SLC25A13: variants seen among roughly 807,000 people sequenced by gnomAD.
SLC25A13 encodes the protein solute carrier family 25 member 13.
In SLC25A13, 70 loss-of-function variants were observed where a neutral mutation model predicts 85.5. The ratio of observed to expected loss-of-function variants is 0.82; its 90% CI spans 0.68 to 1.00. The LOEUF is 1.00. Ranked by LOEUF, SLC25A13 falls within the 50% of genes least tolerant of loss-of-function variation. The pLI is 0.00. For synonymous variants in SLC25A13, 259 were observed against 288.7 expected (o/e 0.90, Z 1.04); for missense variants, 765 against 819.8 (o/e 0.93, Z 0.82).
At chr7:96,139,057 A>G (rs1792413560) in intron 14 of SLC25A13, among the ~76,000 whole-genome samples, 1 of 152,184 alleles carries the variant, frequency 6.6e-6, no homozygotes, top group Non-Finnish European at 1.5e-5. Context: ...TGAAAAGTTG[A>G]TAACAACTAA....
At chr7:96,247,682 G>A (rs556981068) in intron 3 of SLC25A13, among the ~76,000 whole-genome samples, 19 of 152,062 alleles carry the variant, frequency 1.2e-4, no homozygotes, top group Non-Finnish European at 2.6e-4. Flanking sequence ...GGGATCCATT[G>A]TGCATTATCT....
chr7:96,295,529 G>A (rs986972631), intron 2 of SLC25A13, among the ~76,000 whole-genome samples: 20 of 152,152 alleles, frequency 1.3e-4, no homozygotes, highest in Admixed American at 2.0e-4. Context: ...AGTCTCATCT[G>A]TAAAAATGTT....
chr7:96,140,747 T>C (rs1792514558), intron 14 of SLC25A13, among the ~76,000 whole-genome samples: 1 of 149,724 alleles, frequency 6.7e-6, no homozygotes. Flanking sequence ...CCATTGCTTA[T>C]CTTTTGTTTT....
At chr7:96,229,142 G>A (rs1796432180) in intron 4 of SLC25A13, among the ~76,000 whole-genome samples, 1 of 152,334 alleles carries the variant, frequency 6.6e-6, no homozygotes, top group Middle Eastern at 3.4e-3. Context: ...GCCCCAGTGC[G>A]GGATCTACTA....
chr7:96,255,124 A>C (rs1362284573), intron 3 of SLC25A13, among the ~76,000 whole-genome samples: 1 of 152,198 alleles, frequency 6.6e-6, no homozygotes, highest in Non-Finnish European at 1.5e-5. Flanking sequence ...TACTTTGTGG[A>C]ACACAGTCTA....
intron 4 of SLC25A13, among the ~76,000 whole-genome samples, chr7:96,231,269 C>T (rs1796529970): frequency 6.6e-6 from 1 of 152,110 alleles, no homozygotes; most frequent in South Asian, 2.1e-4. Flanking sequence ...ACCTAATTAA[C>T]TAAAGGGCAT....
chr7:96,286,804 C>T (rs1233440619), intron 2 of SLC25A13, among the ~76,000 whole-genome samples: 1 of 152,160 alleles, frequency 6.6e-6, no homozygotes, highest in Non-Finnish European at 1.5e-5. Flanking sequence ...CAGAATTGGG[C>T]TCATTTTAAT....
chr7:96,133,716 T>C (rs2116434504), intron 14 of SLC25A13, among the ~76,000 whole-genome samples: 2 of 152,258 alleles, frequency 1.3e-5, no homozygotes, highest in East Asian at 3.9e-4. Flanking sequence ...TTGTAAGTGC[T>C]GCTAGCTATT....
At chr7:96,266,297 C>G (rs779540498) in intron 3 of SLC25A13, among the ~76,000 whole-genome samples, 17 of 152,192 alleles carry the variant, frequency 1.1e-4, no homozygotes, top group Non-Finnish European at 1.9e-4. Context: ...TCTCCATGCT[C>G]TTACAAGAGG....
chr7:96,153,452 C>T (rs539125265), intron 13 of SLC25A13, among the ~76,000 whole-genome samples: 1 of 152,330 alleles, frequency 6.6e-6, no homozygotes, highest in East Asian at 1.9e-4. Flanking sequence ...CATTCTGTTC[C>T]TCAACTCAAA....
intron 17 of SLC25A13, 52 bp downstream of exon 17, chr7:96,121,603 C>T: frequency 2.6e-6 from 4 of 1,555,538 alleles, no homozygotes; most frequent in Non-Finnish European, 3.5e-6. Flanking sequence ...CCTACGACAA[C>T]AGAGCATTAG....
chr7:96,121,138 G>A lies in SLC25A13; in HGVS notation c.*53C>T, dbSNP rs1791481452. ...GCATTGCTTCATTCCCAGGAGGGAT[G>A]TTCTTTACTGCAGTACCCACAAAAA... On this transcript the variant is annotated 3_prime_UTR_variant, in exon 18 of 18. Transcript: ENST00000265631. 2.5e-6 allele frequency: 4 copies of A among 1,580,080 alleles called. No homozygotes were observed. The highest frequency in any genetic ancestry group is 3.5e-6 in the Non-Finnish European group (4 of 1,149,050).
At chr7:96,212,647 T>A (rs1030409834) in intron 4 of SLC25A13, among the ~76,000 whole-genome samples, 3 of 152,194 alleles carry the variant, frequency 2.0e-5, no homozygotes, top group African/African-American at 7.2e-5. Context: ...AAGGTCCAGT[T>A]ACAGTGCTTT....
intron 5 of SLC25A13, among the ~76,000 whole-genome samples, chr7:96,195,983 T>C (rs1212467642): frequency 6.6e-6 from 1 of 152,240 alleles, no homozygotes; most frequent in Non-Finnish European, 1.5e-5. Context: ...TATAACCTTT[T>C]GAAGTCCTGT....
intron 14 of SLC25A13, among the ~76,000 whole-genome samples, chr7:96,140,606 T>C (rs1792501094): frequency 6.6e-6 from 1 of 151,702 alleles, no homozygotes; most frequent in Admixed American, 6.6e-5. Flanking sequence ...GGTTTCACCA[T>C]GTTAGCCAGG....
At chr7:96,208,330 T>G (rs1364508831) in intron 5 of SLC25A13, among the ~76,000 whole-genome samples, 1 of 152,120 alleles carries the variant, frequency 6.6e-6, no homozygotes, top group Non-Finnish European at 1.5e-5. Context: ...TTTAATTCTA[T>G]GATTTCAACA....
chr7:96,137,165 G>A (rs1350222693), intron 14 of SLC25A13, among the ~76,000 whole-genome samples: 1 of 152,200 alleles, frequency 6.6e-6, no homozygotes, highest in Non-Finnish European at 1.5e-5. Flanking sequence ...CTACATGGCT[G>A]AGATTTGAGG....
intron 1 of SLC25A13, among the ~76,000 whole-genome samples, chr7:96,315,169 A>C (rs1224395006): frequency 6.6e-6 from 1 of 152,226 alleles, no homozygotes; most frequent in Non-Finnish European, 1.5e-5. Context: ...AAAGCTGTCA[A>C]GAAAGAAGAG....
intron 9 of SLC25A13, among the ~76,000 whole-genome samples, chr7:96,187,194 A>G (rs1794674289): frequency 6.6e-6 from 1 of 152,186 alleles, no homozygotes; most frequent in Admixed American, 6.5e-5. Flanking sequence ...GTGCTTAATA[A>G]ATACCTGTTG....
Sources: gnomAD v4.1 joint callset for allele counts (sites outside exome capture counted in the v4.1 genomes callset) on GRCh38, gnomAD v4.1.1 for gene constraint, MANE v1.5 for transcripts, NCBI Gene and HGNC (gene_info 2026-07-23, HGNC 2026-07-21) for gene names.